The following FSTL4 variants were observed in gnomAD, a reference collection of about 807,000 sequenced individuals.
FSTL4 encodes the protein follistatin-related protein 4.
A neutral mutation model predicts 78.2 loss-of-function variants in FSTL4; 28 were observed. The observed-to-expected ratio is 0.36, with a 90% CI of 0.27 to 0.49. FSTL4 has a LOEUF of 0.49. FSTL4 is among the 20% of genes least tolerant of loss of function. The probability of loss-of-function intolerance (pLI) is 0.98; values close to 1 mark genes in which losing one functional copy is unlikely to be tolerated. For missense variants in FSTL4, 922 were observed against 1,084.9 expected (o/e 0.85, Z 2.11); for synonymous variants, 422 against 440.5 (o/e 0.96, Z 0.53).
At chr5:133,762,526 C>A in the FSTL4 span, among the ~76,000 whole-genome samples, 1 of 152,046 alleles carries the variant, frequency 6.6e-6, no homozygotes, top group Non-Finnish European at 1.5e-5. Context: ...GGAAAGCACT[C>A]GATGCAAGAA....
the FSTL4 span, among the ~76,000 whole-genome samples, chr5:133,739,895 CTTTTTTT>C: frequency 7.2e-6 from 1 of 138,426 alleles, no homozygotes; most frequent in African/African-American, 2.7e-5. Flanking sequence ...TAAGCTCTGT[CTTTTTTT>C]TTTTTTTTTT....
At chr5:133,559,751 T>C (rs1305697896) in intron 3 of FSTL4, among the ~76,000 whole-genome samples, 3 of 152,230 alleles carry the variant, frequency 2.0e-5, no homozygotes, top group Non-Finnish European at 2.9e-5. Context: ...GTTTAGCTCA[T>C]GTGCATGAAC....
the FSTL4 span, among the ~76,000 whole-genome samples, chr5:133,814,839 C>T: frequency 1.1e-3 from 160 of 152,298 alleles, no homozygotes; most frequent in Non-Finnish European, 1.9e-3. Flanking sequence ...TGAGAAATAA[C>T]TAGAGTGTAG....
chr5:133,373,648 T>G (rs536552927), intron 4 of FSTL4, among the ~76,000 whole-genome samples: 1 of 152,256 alleles, frequency 6.6e-6, no homozygotes, highest in South Asian at 2.1e-4. Context: ...GAACAACTGT[T>G]TGGGGCAGAC....
At chr5:133,359,976 C>T (rs759919750) in intron 4 of FSTL4, among the ~76,000 whole-genome samples, 1 of 152,192 alleles carries the variant, frequency 6.6e-6, no homozygotes, top group Non-Finnish European at 1.5e-5. Context: ...TGAGCTCCAG[C>T]CTGCCTCAAG....
At chr5:133,345,690 G>A (rs1754683647) in intron 4 of FSTL4, among the ~76,000 whole-genome samples, 1 of 152,312 alleles carries the variant, frequency 6.6e-6, no homozygotes, top group Admixed American at 6.5e-5. Flanking sequence ...AAACCACAAT[G>A]AGATACCATC....
intron 3 of FSTL4, among the ~76,000 whole-genome samples, chr5:133,482,796 G>A (rs1215993681): frequency 6.6e-6 from 1 of 152,160 alleles, no homozygotes; most frequent in Non-Finnish European, 1.5e-5. Context: ...AAATTGGCAG[G>A]AGGGAACTTC....
chr5:133,725,647 G>A, the FSTL4 span, among the ~76,000 whole-genome samples: 23 of 152,248 alleles, frequency 1.5e-4, no homozygotes, highest in Middle Eastern at 3.4e-3. Flanking sequence ...GTAATAAAAC[G>A]TCATGATGGA....
chr5:133,791,793 G>T, the FSTL4 span, among the ~76,000 whole-genome samples: 1 of 152,222 alleles, frequency 6.6e-6, no homozygotes, highest in African/African-American at 2.4e-5. Context: ...GTGAGGTTTT[G>T]CATCGATGTG....
intron 3 of FSTL4, among the ~76,000 whole-genome samples, chr5:133,559,106 T>A (rs189568723): frequency 6.6e-6 from 1 of 152,322 alleles, no homozygotes; most frequent in African/African-American, 2.4e-5. Context: ...AATTAGAACA[T>A]AATGGTCAGT....
intron 6 of FSTL4, among the ~76,000 whole-genome samples, chr5:133,278,928 C>T (rs1252511814): frequency 1.3e-5 from 2 of 152,212 alleles, no homozygotes; most frequent in Admixed American, 6.5e-5. Context: ...TAGTAACAGC[C>T]TTCCTGGGCC....
intron 11 of FSTL4, among the ~76,000 whole-genome samples, chr5:133,221,175 G>A (rs1160300368): frequency 6.6e-6 from 1 of 152,200 alleles, no homozygotes; most frequent in African/African-American, 2.4e-5. Context: ...GACCTTTCCT[G>A]TTCTGAAAGG....
At chr5:133,714,920 C>T in the FSTL4 span, among the ~76,000 whole-genome samples, 10 of 152,382 alleles carry the variant, frequency 6.6e-5, no homozygotes, top group South Asian at 1.7e-3. Context: ...GACTTATGCA[C>T]CAGCTGGGTC....
At chr5:133,410,245 TC>T (rs924313719) in intron 3 of FSTL4, among the ~76,000 whole-genome samples, 2 of 152,182 alleles carry the variant, frequency 1.3e-5, no homozygotes, top group Non-Finnish European at 2.9e-5. Flanking sequence ...ACCCCCGAGT[TC>T]CTTTTCTTTG....
At chr5:133,713,060 TC>T in the FSTL4 span, among the ~76,000 whole-genome samples, 1 of 152,102 alleles carries the variant, frequency 6.6e-6, no homozygotes, top group Non-Finnish European at 1.5e-5. Context: ...TACAAAGAGA[TC>T]CTGTTATCCT....
At chr5:133,254,233 C>T (rs1301598851) in intron 6 of FSTL4, among the ~76,000 whole-genome samples, 3 of 152,238 alleles carry the variant, frequency 2.0e-5, no homozygotes, top group South Asian at 2.1e-4. Context: ...GTGGCATTCT[C>T]TACTTGGTTG....
the FSTL4 span, among the ~76,000 whole-genome samples, chr5:133,698,763 C>T: frequency 2.0e-3 from 308 of 152,324 alleles, no homozygotes; most frequent in African/African-American, 6.1e-3. Flanking sequence ...AGCTCTCAAG[C>T]GTCTCACAGC....
At chr5:133,365,086 A>G (rs1275777063) in intron 4 of FSTL4, among the ~76,000 whole-genome samples, 1 of 152,120 alleles carries the variant, frequency 6.6e-6, no homozygotes, top group African/African-American at 2.4e-5. Context: ...TTTTAATTAA[A>G]TCAGTCATTT....
At chr5:133,798,588 T>C in the FSTL4 span, among the ~76,000 whole-genome samples, 1 of 151,516 alleles carries the variant, frequency 6.6e-6, no homozygotes, top group East Asian at 1.9e-4. Context: ...GGACGCCATG[T>C]ACAGGTACTG....
Sources: gnomAD v4.1 joint callset for allele counts (sites outside exome capture counted in the v4.1 genomes callset) on GRCh38, gnomAD v4.1.1 for gene constraint, MANE v1.5 for transcripts, NCBI Gene and HGNC (gene_info 2026-07-23, HGNC 2026-07-21) for gene names.